The following AFF1 variants were observed in gnomAD, a reference collection of about 807,000 sequenced individuals.
AFF1 encodes the protein AF4/FMR2 family member 1.
Under a neutral mutation model 121.7 loss-of-function variants are expected in AFF1, and 48 were observed. The ratio of observed to expected loss-of-function variants is 0.39; its 90% CI spans 0.31 to 0.50. AFF1 has a LOEUF of 0.50. Ranked by LOEUF, AFF1 falls within the 20% of genes least tolerant of loss-of-function variation. The pLI is 0.76. For synonymous variants in AFF1, 613 were observed against 563.0 expected, an observed-to-expected ratio of 1.09 and a Z score of -1.26; for missense variants, 1,523 against 1,511.7, an observed-to-expected ratio of 1.01 and a Z score of -0.12.
Position 87,131,796 on chromosome 4 carries a change from C to A in AFF1, c.3105C>A (p.Phe1035Leu). ...VYSETVDLIK[F>L]IMSLKSFSDA... ...GTACTTTTATATTTTCCTATAGATT[C>A]ATAATGTCATTAAAATCCTTCTCAG... is the stretch of plus-strand genomic sequence containing the variant. Residue 1035 changes from phenylalanine (F) to leucine (L), a missense_variant, in exon 18 of 21, where the codon TTC (phenylalanine) becomes TTA (leucine). Phe to Leu is a conservative substitution (Grantham distance 22, BLOSUM62 0). Transcript: ENST00000395146. The A allele has an allele frequency of 1.3e-6, 2 of 1,594,898 alleles. No individual in the cohort carries two copies. Among genetic ancestry groups the A allele is most frequent in the South Asian group, 2.3e-5 (2 of 87,022 alleles).
chr4:87,064,955 C>G (rs1233952585), intron 4 of AFF1, among the ~76,000 whole-genome samples: 1 of 151,676 alleles, frequency 6.6e-6, no homozygotes, highest in East Asian at 1.9e-4. Flanking sequence ...AGGAGGATCA[C>G]TTGAGCACAG....
At chr4:86,959,722 A>G (rs1196247824) in intron 2 of AFF1, among the ~76,000 whole-genome samples, 1 of 152,202 alleles carries the variant, frequency 6.6e-6, no homozygotes, top group Non-Finnish European at 1.5e-5. Context: ...AAGTCATTCC[A>G]GATGGGATGG....
chr4:87,094,662 A>G (rs1724645627), intron 7 of AFF1, among the ~76,000 whole-genome samples: 1 of 152,224 alleles, frequency 6.6e-6, no homozygotes, highest in Non-Finnish European at 1.5e-5. Flanking sequence ...TCCAACAGGT[A>G]GGTAAGTTCC....
chr4:87,100,102 A>G (rs888045944), intron 8 of AFF1, among the ~76,000 whole-genome samples: 5 of 152,192 alleles, frequency 3.3e-5, no homozygotes, highest in African/African-American at 4.8e-5. Context: ...ATTTTACATC[A>G]TAACTGCTAA....
intron 12 of AFF1, among the ~76,000 whole-genome samples, chr4:87,117,776 A>T (rs1047433695): frequency 6.6e-6 from 1 of 152,238 alleles, no homozygotes; most frequent in Non-Finnish European, 1.5e-5. Context: ...CGTTTGGTTT[A>T]ACTTCCTGCT....
intron 2 of AFF1, among the ~76,000 whole-genome samples, chr4:87,005,122 C>G (rs545792882): frequency 6.6e-6 from 1 of 152,140 alleles, no homozygotes; most frequent in East Asian, 1.9e-4. Flanking sequence ...ATCAGAGATG[C>G]GTGCCACTAT....
chr4:87,121,050 C>T (rs919507689), intron 12 of AFF1, among the ~76,000 whole-genome samples: 1 of 152,096 alleles, frequency 6.6e-6, no homozygotes, highest in Non-Finnish European at 1.5e-5. Context: ...GCTGCCTGAC[C>T]CAACAGGTTA....
chr4:86,982,134 A>G (rs1723799107), intron 2 of AFF1, among the ~76,000 whole-genome samples: 3 of 152,224 alleles, frequency 2.0e-5, no homozygotes, highest in Non-Finnish European at 4.4e-5. Context: ...ACTTACTGAT[A>G]TAAATGAGGA....
intron 5 of AFF1, among the ~76,000 whole-genome samples, chr4:87,087,787 A>G (rs555349342): frequency 2.6e-5 from 4 of 152,286 alleles, no homozygotes; most frequent in African/African-American, 9.6e-5. Context: ...ACTAAAAGTC[A>G]TAGATACCAT....
Position 86,998,004 on chromosome 4 carries a change from A to T in AFF1, c.39-48162A>T, listed in dbSNP as rs948543408. Among the ~76,000 whole-genome samples, 19 of 148,118 alleles carry T rather than the reference A, an allele frequency of 1.3e-4. No individual in the cohort carries two copies. The Admixed American group carries it at 1.3e-3, about 10-fold the overall frequency. On this transcript the variant is annotated intron_variant, in intron 2 of 20. Transcript: ENST00000395146. ...TCACAGCTACTTGGGAGGCTAAGGC[A>T]GGAGAATCGCTTGAACCCAGCAGGC...
At chr4:87,022,349 G>GACACTTAGGTTTAGTAGATGTTCCA (rs1727988253) in intron 2 of AFF1, among the ~76,000 whole-genome samples, 6 of 151,508 alleles carry the variant, frequency 4.0e-5, no homozygotes, top group Non-Finnish European at 8.8e-5. Flanking sequence ...TTAACACACT[G>GACACTTAGGTTTAGTAGATGTTCCA]ACACTTAGGT....
intron 2 of AFF1, among the ~76,000 whole-genome samples, chr4:86,997,457 TA>T (rs1359674849): frequency 6.6e-6 from 1 of 152,192 alleles, no homozygotes; most frequent in Admixed American, 6.5e-5. Context: ...ACATGCATTC[TA>T]AATATTTAAA....
chr4:86,991,878 A>G (rs980244268), intron 2 of AFF1, among the ~76,000 whole-genome samples: 1 of 135,432 alleles, frequency 7.4e-6, no homozygotes, highest in Non-Finnish European at 1.6e-5. Flanking sequence ...TTATTGAAAT[A>G]TGGTAGATGC....
chr4:86,951,817 T>C (rs1013314708), intron 2 of AFF1, among the ~76,000 whole-genome samples: 1 of 151,990 alleles, frequency 6.6e-6, no homozygotes, highest in Non-Finnish European at 1.5e-5. Context: ...GGTTTCACCA[T>C]GTTGGCCAGG....
At chr4:86,965,355 T>C (rs1432755699) in intron 2 of AFF1, among the ~76,000 whole-genome samples, 2 of 152,232 alleles carry the variant, frequency 1.3e-5, no homozygotes, top group African/African-American at 4.8e-5. Flanking sequence ...AATTTGTCAA[T>C]GTTTTCTCAC....
In AFF1 at chr4:87,046,080, C is replaced by T. The variant is rs1294045671; in HGVS notation, c.39-86C>T. 9 of 1,521,416 alleles carry T rather than the reference C, an allele frequency of 5.9e-6. No homozygotes were observed. In the East Asian group the frequency reaches 9.1e-5, roughly 15 times the overall value. 94.2% of individuals were successfully genotyped at this position (1,521,416 alleles called of 1,614,324 possible). On this transcript the variant is annotated intron_variant, in intron 2 of 20. Coordinates refer to ENST00000395146, the MANE Select transcript of AFF1 (RefSeq NM_001166693.3). ...TGCTTCTTCCCAGACCTGTCCTCAC[C>T]TCCCTTCTCACATGTAAGTATGCCT...
intron 4 of AFF1, among the ~76,000 whole-genome samples, chr4:87,051,987 A>G (rs1731313998): frequency 6.6e-6 from 1 of 152,210 alleles, no homozygotes; most frequent in African/African-American, 2.4e-5. Context: ...AGGCTGACTT[A>G]AAAATGGTGG....
intron 7 of AFF1, among the ~76,000 whole-genome samples, chr4:87,094,195 G>A (rs564869444): frequency 6.6e-6 from 1 of 152,178 alleles, no homozygotes; most frequent in East Asian, 1.9e-4. Flanking sequence ...CAGAATCTTG[G>A]CTGTCCTTTG....
chr4:86,946,967 T>C (rs1188498883), intron 1 of AFF1, among the ~76,000 whole-genome samples: 2 of 152,190 alleles, frequency 1.3e-5, no homozygotes, highest in East Asian at 3.8e-4. Context: ...TTATGAAGAA[T>C]AATGCCAACA....
Sources: gnomAD v4.1 joint callset for allele counts (sites outside exome capture counted in the v4.1 genomes callset) on GRCh38, gnomAD v4.1.1 for gene constraint, MANE v1.5 for transcripts, NCBI Gene and HGNC (gene_info 2026-07-23, HGNC 2026-07-21) for gene names.